PAMR1: variants seen among roughly 807,000 people sequenced by gnomAD.
The protein encoded by PAMR1 is peptidase domain containing associated with muscle regeneration 1, also known as inactive serine protease PAMR1.
In PAMR1, 88 loss-of-function variants were observed where a neutral mutation model predicts 81.8. The ratio of observed to expected loss-of-function variants is 1.08; its 90% confidence interval spans 0.91 to 1.28. The LOEUF (loss-of-function observed/expected upper bound fraction) is 1.28. PAMR1 is among the 50% of genes most tolerant of loss of function. The pLI is 0.00. For missense variants in PAMR1, 935 were observed against 919.7 expected, an observed-to-expected ratio of 1.02 and a Z score of -0.21; for synonymous variants, 336 against 345.3, an observed-to-expected ratio of 0.97 and a Z score of 0.30.
chr11:35,522,209 A>G (rs2135428370), intron 1 of PAMR1, among the ~76,000 whole-genome samples: 1 of 152,334 alleles, frequency 6.6e-6, no homozygotes, highest in African/African-American at 2.4e-5. Context: ...GGCATGAGCC[A>G]CTGCGCCTGC....
intron 8 of PAMR1, among the ~76,000 whole-genome samples, chr11:35,438,139 G>A (rs567899169): frequency 2.0e-5 from 3 of 152,276 alleles, no homozygotes; most frequent in Admixed American, 6.5e-5. Flanking sequence ...TAGTGCATAC[G>A]GGAGCAGACC....
chr11:35,458,036 G>C (rs1856571325), intron 6 of PAMR1, among the ~76,000 whole-genome samples: 1 of 152,168 alleles, frequency 6.6e-6, no homozygotes, highest in South Asian at 2.1e-4. Flanking sequence ...GTACAAGACA[G>C]CTGGGTTAGC....
At chr11:35,433,906 G>A (rs1166622498) in intron 10 of PAMR1, among the ~76,000 whole-genome samples, 2 of 152,074 alleles carry the variant, frequency 1.3e-5, no homozygotes, top group Non-Finnish European at 2.9e-5. Context: ...ATGGGTGGGG[G>A]AATAAAAGAC....
At chr11:35,449,849 C>T (rs1299847876) in intron 6 of PAMR1, among the ~76,000 whole-genome samples, 10 of 152,144 alleles carry the variant, frequency 6.6e-5, no homozygotes, top group Non-Finnish European at 4.4e-5. Flanking sequence ...TGGGAGTTTG[C>T]CTTACTCCAT....
upstream of PAMR1, among the ~76,000 whole-genome samples, chr11:35,529,509 G>A (rs1851434912): frequency 6.6e-6 from 1 of 152,184 alleles, no homozygotes; most frequent in Non-Finnish European, 1.5e-5. Flanking sequence ...AATGTTGAAT[G>A]CAGATGGACC....
chr11:35,498,052 G>C (rs1850759882), intron 1 of PAMR1, among the ~76,000 whole-genome samples: 1 of 152,200 alleles, frequency 6.6e-6, no homozygotes, highest in African/African-American at 2.4e-5. Context: ...TCCTGTGCAA[G>C]TTCTTGTTTA....
At chr11:35,486,381 C>A (rs965438798) in intron 3 of PAMR1, among the ~76,000 whole-genome samples, 1 of 152,198 alleles carries the variant, frequency 6.6e-6, no homozygotes, top group East Asian at 1.9e-4. Context: ...TAAAAAAAAT[C>A]TCCTCTCTAA....
rs76997951 is a variant in PAMR1, at chr11:35,498,223, A to G, written c.74-3951T>C. ...AGGGCACATTTTATGTTATCTACATATATATTACCACAATTTTTTAATTGT... is the reference window on the plus strand; with the variant it reads ...AGGGCACATTTTATGTTATCTACATGTATATTACCACAATTTTTTAATTGT... On this transcript the variant is annotated intron_variant, in intron 1 of 10. Coordinates refer to ENST00000619888, the MANE Select transcript of PAMR1 (RefSeq NM_001001991.3). Among the ~76,000 whole-genome samples the G allele has an allele frequency of 0.017, 2,565 of 152,324 alleles. 162 individuals carry two copies. The East Asian group carries it at 0.19, about 11-fold the overall frequency.
intron 6 of PAMR1, among the ~76,000 whole-genome samples, chr11:35,448,441 C>T (rs1485632213): frequency 6.6e-6 from 1 of 151,876 alleles, no homozygotes; most frequent in Non-Finnish European, 1.5e-5. Context: ...GCTATTGATA[C>T]TTGTGGTTGC....
chr11:35,434,637 C>A lies in PAMR1; in HGVS notation c.1501G>T (p.Val501Leu). ...AGGTCAGTAACACAGTGGGCAGCCA[C>A]CACCACAGTGCGCTCATTCACCAGG... is the stretch of plus-strand genomic sequence containing the variant. Reference protein sequence around the residue: ...GALVNERTVVVAAHCVTDLGK... With the variant: ...GALVNERTVVLAAHCVTDLGK... The change falls in exon 10 of 11, where the codon GTG becomes TTG. Residue 501 changes from valine to leucine, a missense_variant. By Grantham distance (32) the Val-to-Leu change is conservative (BLOSUM62 1). Transcript: ENST00000619888. 1 of 1,614,132 alleles carries A rather than the reference C, an allele frequency of 6.2e-7. No individual in the cohort carries two copies. The highest frequency in any genetic ancestry group is 1.1e-5 in the South Asian group (1 of 91,084).
intron 1 of PAMR1, among the ~76,000 whole-genome samples, chr11:35,496,402 T>G (rs563728947): frequency 1.3e-5 from 2 of 152,254 alleles, no homozygotes; most frequent in South Asian, 4.1e-4. Context: ...TTTCTAAAAC[T>G]CATACAACTC....
At chr11:35,521,381 T>C (rs1851273843) in intron 1 of PAMR1, among the ~76,000 whole-genome samples, 1 of 152,212 alleles carries the variant, frequency 6.6e-6, no homozygotes, top group African/African-American at 2.4e-5. Flanking sequence ...TCCCCCTTCC[T>C]GTCCCATCCC....
chr11:35,492,128 C>CA lies in PAMR1; in HGVS notation c.295dup (p.Trp99LeufsTer7). 6.2e-7 allele frequency: 1 copy of CA among 1,614,130 alleles called. No homozygotes were observed. The highest frequency in any genetic ancestry group is 1.1e-5 in the South Asian group (1 of 91,070). On this transcript the variant is annotated frameshift_variant, in exon 3 of 11. Transcript: ENST00000619888. LOFTEE classifies it high-confidence loss of function. ...ATAGAAGTCATCCAAGGTACCCCCC[C>CA]ATGAGCCATTTCGGCAGCTCTTGCA...
intron 6 of PAMR1, among the ~76,000 whole-genome samples, chr11:35,460,595 A>T (rs1052497470): frequency 2.0e-5 from 3 of 151,766 alleles, no homozygotes; most frequent in East Asian, 3.9e-4. Flanking sequence ...CGTCCTTGTG[A>T]TAGTTTGCTG....
At chr11:35,468,189 T>C (rs1243750389) in intron 5 of PAMR1, 81 bp from the exon 6 acceptor site, 1 of 752,864 alleles carries the variant, frequency 1.3e-6, no homozygotes, top group Non-Finnish European at 2.2e-6. Context: ...CAAAGTCTTT[T>C]AATTCCTTAT....
At chr11:35,526,568 T>G (rs971681140), upstream of PAMR1, among the ~76,000 whole-genome samples, 15 of 152,228 alleles carry the variant, frequency 9.9e-5, no homozygotes, top group Non-Finnish European at 1.8e-4. Flanking sequence ...AAACCTAGCC[T>G]CTGTATTTTA....
At chr11:35,494,501 T>C (rs1850688984) in intron 1 of PAMR1, among the ~76,000 whole-genome samples, 1 of 152,178 alleles carries the variant, frequency 6.6e-6, no homozygotes, top group Non-Finnish European at 1.5e-5. Context: ...GCCAGGCTAA[T>C]TTTTTGTATT....
At chr11:35,470,848 C>G (rs781740083) in intron 4 of PAMR1, 30 bp from the exon 5 acceptor site, 2 of 1,523,012 alleles carry the variant, frequency 1.3e-6, no homozygotes, top group African/African-American at 2.7e-5. Context: ...CGGAGGGAAG[C>G]AGATGGGCCC....
chr11:35,444,648 G>A (rs1379727779), intron 6 of PAMR1, among the ~76,000 whole-genome samples: 1 of 152,134 alleles, frequency 6.6e-6, no homozygotes, highest in African/African-American at 2.4e-5. Flanking sequence ...AGATCAGATG[G>A]TTGTAGATGT....
Sources: gnomAD v4.1 joint callset for allele counts (sites outside exome capture counted in the v4.1 genomes callset) on GRCh38, gnomAD v4.1.1 for gene constraint, MANE v1.5 for transcripts, NCBI Gene and HGNC (gene_info 2026-07-23, HGNC 2026-07-21) for gene names.